DACH2: variants seen among roughly 807,000 people sequenced by gnomAD.
DACH2 encodes the protein dachshund homolog 2.
A neutral mutation model predicts 35.8 loss-of-function variants in DACH2; 17 were observed. The ratio of observed to expected loss-of-function variants is 0.48; its 90% CI spans 0.33 to 0.71. The LOEUF is 0.71. DACH2 is among the 30% of genes least tolerant of loss of function. The probability of loss-of-function intolerance (pLI) is 0.02; values close to 1 mark genes in which losing one functional copy is unlikely to be tolerated. For synonymous variants in DACH2, 195 were observed against 177.3 expected (o/e 1.10, Z -0.79); for missense variants, 469 against 472.7 (o/e 0.99, Z 0.07).
intron 2 of DACH2, among the ~76,000 whole-genome samples, chrX:86,429,278 C>A (rs2036944170): frequency 9.0e-6 from 1 of 110,925 alleles, no homozygotes; most frequent in South Asian, 3.7e-4. Context: ...TCTGTGAATT[C>A]ACTTTCACTG....
chrX:86,562,377 C>G (rs1230611203), intron 3 of DACH2, among the ~76,000 whole-genome samples: 1 of 111,102 alleles, frequency 9.0e-6, no homozygotes, highest in Non-Finnish European at 1.9e-5. Flanking sequence ...TTTGAAAGAA[C>G]GTGGGATGCC....
intron 1 of DACH2, among the ~76,000 whole-genome samples, chrX:86,173,551 T>C (rs1214896068): frequency 1.8e-5 from 2 of 111,063 alleles, no homozygotes; most frequent in South Asian, 3.8e-4. Context: ...GAGAGAACAG[T>C]TGGACCAGAA....
intron 3 of DACH2, among the ~76,000 whole-genome samples, chrX:86,549,164 AT>A (rs2039013529): frequency 8.9e-6 from 1 of 111,827 alleles, no homozygotes; most frequent in South Asian, 3.7e-4. Flanking sequence ...ACACACATGC[AT>A]TTCTTTAGGT....
intron 3 of DACH2, among the ~76,000 whole-genome samples, chrX:86,560,019 C>G (rs1453977246): frequency 5.4e-5 from 3 of 55,621 alleles, no homozygotes; most frequent in Non-Finnish European, 9.1e-5. Context: ...TTAGTTGATG[C>G]AGTTTCTTCC....
In DACH2 at chrX:86,686,960, G is replaced by T. The variant is rs778469248; in HGVS notation, c.773-8061G>T. On this transcript the variant is annotated intron_variant, in intron 4 of 11. Transcript: ENST00000373125. ...TTTAATTTAGAAACAAAGATTTTGGGACTTTCCTTGAATTTTACATTTACT... is the reference window on the plus strand; with the variant it reads ...TTTAATTTAGAAACAAAGATTTTGGTACTTTCCTTGAATTTTACATTTACT... Among the ~76,000 whole-genome samples, 5 of 112,116 alleles carry T rather than the reference G, an allele frequency of 4.5e-5. No individual in the cohort carries two copies. The Admixed American group carries it at 4.7e-4, about 11-fold the overall frequency.
chrX:86,713,271 C>A (rs756120935), intron 5 of DACH2, among the ~76,000 whole-genome samples: 1 of 111,136 alleles, frequency 9.0e-6, no homozygotes, highest in Non-Finnish European at 1.9e-5. Context: ...CCATAGAATG[C>A]GAGAAAATCT....
chrX:86,418,860 A>G (rs2036753335), intron 2 of DACH2, among the ~76,000 whole-genome samples: 1 of 111,835 alleles, frequency 8.9e-6, no homozygotes, highest in South Asian at 3.7e-4. Flanking sequence ...CTTCCCTTAT[A>G]AAACTGAATG....
intron 2 of DACH2, among the ~76,000 whole-genome samples, chrX:86,508,731 AC>A (rs1440015859): frequency 9.0e-6 from 1 of 111,692 alleles, no homozygotes; most frequent in Non-Finnish European, 1.9e-5. Flanking sequence ...TGAATTTAGG[AC>A]AAAAAGTAAA....
chrX:86,389,198 G>A (rs1213591814), intron 2 of DACH2, among the ~76,000 whole-genome samples: 2 of 111,913 alleles, frequency 1.8e-5, no homozygotes, highest in Non-Finnish European at 1.9e-5. Flanking sequence ...TGATTGAAAT[G>A]AATAGATGGA....
chrX:86,340,141 G>A (rs1446976270), intron 1 of DACH2, among the ~76,000 whole-genome samples: 1 of 111,358 alleles, frequency 9.0e-6, no homozygotes, highest in East Asian at 2.8e-4. Context: ...CCTTGTACAG[G>A]CATACCTTGT....
chrX:86,586,317 T>C (rs1442891602), intron 3 of DACH2, among the ~76,000 whole-genome samples: 1 of 111,826 alleles, frequency 8.9e-6, no homozygotes. Context: ...ATATTAGACC[T>C]TTGTTGGATG....
At chrX:86,310,041 G>A (rs768651551) in intron 1 of DACH2, among the ~76,000 whole-genome samples, 1 of 112,351 alleles carries the variant, frequency 8.9e-6, no homozygotes, top group South Asian at 3.7e-4. Flanking sequence ...CACAGCAAAG[G>A]CCTCTAAGAT....
intron 2 of DACH2, among the ~76,000 whole-genome samples, chrX:86,506,282 G>T (rs1234501234): frequency 8.9e-6 from 1 of 112,060 alleles, no homozygotes; most frequent in Non-Finnish European, 1.9e-5. Flanking sequence ...CTTACTGGCT[G>T]TCAGTACAGG....
At chrX:86,438,454 G>T (rs2037106587) in intron 2 of DACH2, among the ~76,000 whole-genome samples, 1 of 110,603 alleles carries the variant, frequency 9.0e-6, no homozygotes, top group African/African-American at 3.3e-5. Flanking sequence ...TTGAACTCCT[G>T]CCCTCAGGTG....
intron 1 of DACH2, among the ~76,000 whole-genome samples, chrX:86,159,389 C>G (rs1177153418): frequency 9.0e-6 from 1 of 111,600 alleles, no homozygotes; most frequent in Non-Finnish European, 1.9e-5. Flanking sequence ...TACTGTTAAG[C>G]TTGCTGCTTT....
chrX:86,726,712 C>G (rs190120357), intron 6 of DACH2, among the ~76,000 whole-genome samples: 125 of 111,970 alleles, frequency 1.1e-3, no homozygotes, highest in Non-Finnish European at 2.1e-3. Flanking sequence ...TAGCAATGAC[C>G]TGTGTTAGGC....
At chrX:86,627,324 T>C (rs891935581) in intron 3 of DACH2, among the ~76,000 whole-genome samples, 5 of 111,815 alleles carry the variant, frequency 4.5e-5, no homozygotes, top group Non-Finnish European at 9.4e-5. Flanking sequence ...CATCTCCATC[T>C]GAGACCGCCT....
At position 86,311,091 on chromosome X, in the gene DACH2, A is replaced by T. The variant is rs368387750; in HGVS notation, c.489-65733A>T. ...TTGATATAGCACCATTCCTTTGGGT[A>T]ATCAGCCAGCTACCTGGTGGCAGAT... On this transcript the variant is annotated intron_variant, in intron 1 of 11. Transcript: ENST00000373125. Among the ~76,000 whole-genome samples the T allele has an allele frequency of 1.5e-4, 17 of 111,927 alleles. No homozygotes were observed. The East Asian group carries it at 2.3e-3, about 15-fold the overall frequency.
chrX:86,604,965 A>G (rs1390878940), intron 3 of DACH2, among the ~76,000 whole-genome samples: 1 of 111,799 alleles, frequency 8.9e-6, no homozygotes, highest in African/African-American at 3.2e-5. Context: ...AAAAGGATGG[A>G]ATCTCAGTCC....
Sources: gnomAD v4.1 joint callset for allele counts (sites outside exome capture counted in the v4.1 genomes callset) on GRCh38, gnomAD v4.1.1 for gene constraint, MANE v1.5 for transcripts, NCBI Gene and HGNC (gene_info 2026-07-23, HGNC 2026-07-21) for gene names.